Variants in ARHGAP15 observed in about 807,000 individuals in gnomAD.
ARHGAP15 encodes Rho GTPase activating protein 15.
A neutral mutation model predicts 63.7 loss-of-function variants in ARHGAP15; 51 were observed. That is an observed-to-expected ratio of 0.80 (90% CI 0.64 to 1.01). ARHGAP15 has a LOEUF of 1.01. Among genes scored for constraint, ARHGAP15 ranks in the 50% least tolerant of loss-of-function variants. The pLI is 0.00. For synonymous variants in ARHGAP15, 191 were observed against 193.8 expected, an observed-to-expected ratio of 0.99 and a Z score of 0.12; for missense variants, 560 against 564.6, an observed-to-expected ratio of 0.99 and a Z score of 0.08.
chr2:143,679,528 A>C (rs1342877555), intron 12 of ARHGAP15, among the ~76,000 whole-genome samples: 2 of 152,162 alleles, frequency 1.3e-5, no homozygotes, highest in East Asian at 3.8e-4. Context: ...TTCTCTATCT[A>C]GTCTCCTCTG....
intron 5 of ARHGAP15, among the ~76,000 whole-genome samples, chr2:143,239,466 G>A (rs912446270): frequency 6.6e-6 from 1 of 151,952 alleles, no homozygotes; most frequent in Non-Finnish European, 1.5e-5. Flanking sequence ...CAAACCCCCA[G>A]ACCCTGGTAA....
At chr2:143,500,668 T>C (rs902371558) in intron 9 of ARHGAP15, among the ~76,000 whole-genome samples, 1 of 152,190 alleles carries the variant, frequency 6.6e-6, no homozygotes, top group African/African-American at 2.4e-5. Context: ...TTATAATGTA[T>C]ATACCTGGAC....
At chr2:143,307,962 C>T (rs1175061196) in intron 6 of ARHGAP15, among the ~76,000 whole-genome samples, 2 of 152,104 alleles carry the variant, frequency 1.3e-5, no homozygotes, top group Admixed American at 1.3e-4. Context: ...AGATACAGCA[C>T]ACAGTTTTAT....
chr2:143,161,971 G>A (rs1359304699), intron 2 of ARHGAP15: 1 of 151,880 alleles, frequency 6.6e-6, no homozygotes, highest in Non-Finnish European at 1.5e-5. Flanking sequence ...AACAAACCAT[G>A]GAATGACAGA....
chr2:143,579,522 A>G (rs1696806158), intron 11 of ARHGAP15, among the ~76,000 whole-genome samples: 1 of 152,124 alleles, frequency 6.6e-6, no homozygotes. Flanking sequence ...TGTTCCATGG[A>G]TATCAATTGT....
At chr2:143,509,488 C>T (rs147873037) in intron 9 of ARHGAP15, among the ~76,000 whole-genome samples, 88 of 152,276 alleles carry the variant, frequency 5.8e-4, no homozygotes, top group Admixed American at 9.2e-4. Flanking sequence ...CATAAGTTAA[C>T]GCAGTACCTC....
chr2:143,551,923 G>A (rs1695584293), intron 10 of ARHGAP15, among the ~76,000 whole-genome samples: 1 of 152,196 alleles, frequency 6.6e-6, no homozygotes. Flanking sequence ...ACTTAGAGGA[G>A]GAGGCATAGG....
chr2:143,593,003 G>T (rs1049062604), intron 11 of ARHGAP15, among the ~76,000 whole-genome samples: 1 of 152,182 alleles, frequency 6.6e-6, no homozygotes, highest in Admixed American at 6.5e-5. Flanking sequence ...CTGCTTGAGA[G>T]TTTAGGTAGC....
At chr2:143,536,296 G>C (rs961853925) in intron 10 of ARHGAP15, among the ~76,000 whole-genome samples, 1 of 152,036 alleles carries the variant, frequency 6.6e-6, no homozygotes, top group Admixed American at 6.6e-5. Flanking sequence ...GTGAGATCAT[G>C]CAATACGTAT....
chr2:143,153,873 T>TCCTCTTCC (rs1689967986), intron 1 of ARHGAP15, among the ~76,000 whole-genome samples: 6 of 46,848 alleles, frequency 1.3e-4, no homozygotes, highest in South Asian at 6.0e-4. Flanking sequence ...CCTCCTCCTC[T>TCCTCTTCC]TCCTCCTCCT....
intron 12 of ARHGAP15, among the ~76,000 whole-genome samples, chr2:143,688,911 C>T (rs1683469556): frequency 6.6e-6 from 1 of 152,124 alleles, no homozygotes; most frequent in Non-Finnish European, 1.5e-5. Flanking sequence ...CAGAATATAT[C>T]AAGATAGTAT....
At chr2:143,303,497 C>A (rs1006429435) in intron 6 of ARHGAP15, among the ~76,000 whole-genome samples, 1 of 151,932 alleles carries the variant, frequency 6.6e-6, no homozygotes, top group Non-Finnish European at 1.5e-5. Flanking sequence ...AATGTTAGAC[C>A]TAAAACCATA....
intron 13 of ARHGAP15, among the ~76,000 whole-genome samples, chr2:143,726,580 A>C (rs1685289903): frequency 6.6e-6 from 1 of 152,226 alleles, no homozygotes; most frequent in Non-Finnish European, 1.5e-5. Context: ...ACTCATTTAC[A>C]TGGAGACGTT....
intron 5 of ARHGAP15, among the ~76,000 whole-genome samples, chr2:143,230,756 TACA>T (rs1191730878): frequency 2.0e-5 from 3 of 152,204 alleles, no homozygotes; most frequent in Non-Finnish European, 4.4e-5. Flanking sequence ...AGAGAAACGA[TACA>T]ACGATTGCCA....
chr2:143,603,257 T>C (rs1697848865), intron 11 of ARHGAP15, among the ~76,000 whole-genome samples: 1 of 152,216 alleles, frequency 6.6e-6, no homozygotes, highest in Non-Finnish European at 1.5e-5. Context: ...TACTGTCTTC[T>C]GCTGGTGCAG....
intron 3 of ARHGAP15, among the ~76,000 whole-genome samples, chr2:143,211,811 C>G (rs1356868863): frequency 1.3e-5 from 2 of 152,166 alleles, no homozygotes; most frequent in Non-Finnish European, 2.9e-5. Flanking sequence ...TATTCTGATA[C>G]TATTTAAGTC....
chr2:143,710,313 G>T (rs577738748), intron 13 of ARHGAP15, among the ~76,000 whole-genome samples: 1 of 152,090 alleles, frequency 6.6e-6, no homozygotes, highest in Non-Finnish European at 1.5e-5. Flanking sequence ...TTCTCAACTG[G>T]ACTCCCATAG....
intron 5 of ARHGAP15, among the ~76,000 whole-genome samples, chr2:143,230,169 G>T (rs1413758029): frequency 6.6e-6 from 1 of 152,140 alleles, no homozygotes; most frequent in Admixed American, 6.6e-5. Flanking sequence ...CGCTGGCCTT[G>T]CTGAGTTTGG....
At chr2:143,510,919 C>T (rs554012531) in intron 9 of ARHGAP15, among the ~76,000 whole-genome samples, 7 of 152,278 alleles carry the variant, frequency 4.6e-5, no homozygotes, top group African/African-American at 1.4e-4. Context: ...GAGACTGTCT[C>T]CTGCATAAAT....
Sources: gnomAD v4.1 joint callset for allele counts (sites outside exome capture counted in the v4.1 genomes callset) on GRCh38, gnomAD v4.1.1 for gene constraint, MANE v1.5 for transcripts, NCBI Gene and HGNC (gene_info 2026-07-23, HGNC 2026-07-21) for gene names.